ASXL3: variants seen among roughly 807,000 people sequenced by gnomAD.
ASXL3 encodes ASXL transcriptional regulator 3.
Under a neutral mutation model 170.6 loss-of-function variants are expected in ASXL3, and 34 were observed. That is an observed-to-expected ratio of 0.20 (90% CI 0.15 to 0.27). ASXL3 has a LOEUF of 0.27. Among genes scored for constraint, ASXL3 ranks in the 10% least tolerant of loss-of-function variants. The pLI is 1.00. For synonymous variants in ASXL3, 1,002 were observed against 989.1 expected (o/e 1.01, Z -0.24); for missense variants, 2,592 against 2,695.3 (o/e 0.96, Z 0.85).
In ASXL3 at chr18:33,745,809, C is replaced by T; in HGVS notation, c.5961C>T (p.Ala1987=). The T allele has an allele frequency of 6.2e-7, 1 of 1,613,934 alleles. No individual in the cohort carries two copies. Among genetic ancestry groups the T allele is most frequent in the Non-Finnish European group, 8.5e-7 (1 of 1,179,876 alleles). ...LSSAPHQLRL[A]NMLSPNMPMK... ...CAGCACCTCACCAGCTAAGGTTAGC[C>T]AACATGTTATCCCCCAATATGCCCA... Residue 1987 remains alanine (A), a synonymous_variant, in exon 12 of 12, where the codon GCC becomes GCT. Coordinates refer to ENST00000269197, the MANE Select transcript of ASXL3 (RefSeq NM_030632.3).
intron 2 of ASXL3, chr18:33,614,952 CATA>C: frequency 6.6e-6 from 1 of 151,960 alleles, no homozygotes; most frequent in East Asian, 1.9e-4. Context: ...GCAGATGTAA[CATA>C]ATGTTTAAGT....
chr18:33,736,507 C>T (rs1354208709), intron 10 of ASXL3, among the ~76,000 whole-genome samples: 3 of 152,062 alleles, frequency 2.0e-5, no homozygotes, highest in African/African-American at 4.8e-5. Flanking sequence ...ATTCCCCCAC[C>T]ACCAGCCAGT....
intron 8 of ASXL3, among the ~76,000 whole-genome samples, chr18:33,720,418 G>C (rs962350493): frequency 1.3e-5 from 2 of 152,068 alleles, no homozygotes; most frequent in African/African-American, 2.4e-5. Context: ...ACATGAGCTT[G>C]AGTTTCACTA....
intron 2 of ASXL3, among the ~76,000 whole-genome samples, chr18:33,641,576 C>A (rs780945123): frequency 1.3e-5 from 2 of 152,094 alleles, no homozygotes; most frequent in Non-Finnish European, 2.9e-5. Context: ...ATGAAAACAT[C>A]GTAGAAGTAT....
At position 33,739,979 on chromosome 18, in the gene ASXL3, G is replaced by A. The variant is rs1599565845; in HGVS notation, c.2575G>A (p.Glu859Lys). 2 of 1,613,818 alleles carry A rather than the reference G, an allele frequency of 1.2e-6. No individual in the cohort carries two copies. The highest frequency in any genetic ancestry group is 4.5e-5 in the East Asian group (2 of 44,878). ...PASIPELAST[E>K]MIKVKNHSVL... ...TTCAATTCCAGAACTTGCTTCTACT[G>A]AAATGATAAAAGTTAAAAATCATAG... Residue 859 changes from glutamate (E) to lysine (K), a missense_variant, in exon 11 of 12, where the codon GAA (glutamate) becomes AAA (lysine). Around this residue, in one of 4 missense-constraint regions of ASXL3, gnomAD observed 2,246 missense variants for 2,219.6 expected, o/e 1.01. Transcript: ENST00000269197.
At position 33,578,574 on chromosome 18, in the gene ASXL3, C is replaced by A; in HGVS notation, c.-58C>A. On this transcript the variant is annotated 5_prime_UTR_variant, in exon 1 of 12. Coordinates refer to ENST00000269197, the MANE Select transcript of ASXL3 (RefSeq NM_030632.3). ...TGGGTCATTGTCTCCGCGCCCGAACCCCGAGCACCCCGTGGAATCCCCCAC... is the reference window on the plus strand; with the variant it reads ...TGGGTCATTGTCTCCGCGCCCGAACACCGAGCACCCCGTGGAATCCCCCAC... The A allele has an allele frequency of 8.8e-7, 1 of 1,141,228 alleles. No individual in the cohort carries two copies. The highest frequency in any genetic ancestry group is 2.3e-5 in the South Asian group (1 of 42,706). 70.7% of individuals were successfully genotyped at this position (1,141,228 alleles called of 1,614,324 possible).
At chr18:33,606,685 A>G (rs1034003162) in intron 1 of ASXL3, among the ~76,000 whole-genome samples, 1 of 151,996 alleles carries the variant, frequency 6.6e-6, no homozygotes, top group African/African-American at 2.4e-5. Context: ...AAGCTCTTGC[A>G]TAGCATCTTT....
chr18:33,653,500 T>A (rs549780953), intron 4 of ASXL3, among the ~76,000 whole-genome samples: 1 of 152,092 alleles, frequency 6.6e-6, no homozygotes, highest in Non-Finnish European at 1.5e-5. Context: ...TAGTTACACA[T>A]TGAAGAAAAC....
intron 2 of ASXL3, among the ~76,000 whole-genome samples, chr18:33,630,609 T>G (rs76140794): frequency 0.011 from 1,680 of 152,054 alleles, 14 homozygotes; most frequent in Non-Finnish European, 0.016. Context: ...GACATTTCCT[T>G]TATCAAACAT....
rs768844047 is a variant in ASXL3, at chr18:33,745,600, G to A, written c.5752G>A (p.Gly1918Ser). The stretch of plus-strand genomic sequence containing the variant: ...CCTATTTCATGTTGACAAGAATGGC[G>A]GCTTCCACACTGACGCTGGTACCTC... ...QNLFHVDKNGGFHTDAGTSHR... is the reference protein window; with the variant it reads ...QNLFHVDKNGSFHTDAGTSHR... Residue 1918 changes from glycine (G) to serine (S), a missense_variant, in exon 12 of 12, where the codon GGC (glycine) becomes AGC (serine). Gly to Ser is a moderately conservative substitution (Grantham distance 56). This residue lies in a region of ASXL3 where 2,246 missense variants were observed against 2,219.6 expected (regional missense o/e 1.01). Coordinates refer to ENST00000269197, the MANE Select transcript of ASXL3 (RefSeq NM_030632.3). 1.5e-5 allele frequency: 25 copies of A among 1,613,786 alleles called. No individual in the cohort carries two copies. The highest frequency in any genetic ancestry group is 1.1e-4 in the African/African-American group (8 of 74,868).
chr18:33,623,322 C>G (rs1188541607), intron 2 of ASXL3, among the ~76,000 whole-genome samples: 2 of 152,120 alleles, frequency 1.3e-5, no homozygotes, highest in Non-Finnish European at 2.9e-5. Flanking sequence ...TTGATCTTCT[C>G]TTCCCCATGG....
intron 2 of ASXL3, among the ~76,000 whole-genome samples, chr18:33,634,267 A>C (rs530546037): frequency 6.6e-6 from 1 of 152,126 alleles, no homozygotes; most frequent in Admixed American, 6.5e-5. Context: ...AATACAGCAG[A>C]GTACCCACGT....
intron 2 of ASXL3, among the ~76,000 whole-genome samples, chr18:33,632,813 C>A (rs1448885859): frequency 6.6e-6 from 1 of 152,150 alleles, no homozygotes; most frequent in African/African-American, 2.4e-5. Context: ...CAGCTGAAAT[C>A]TATCTTTGTG....
At chr18:33,693,325 A>G (rs1032775722) in intron 8 of ASXL3, among the ~76,000 whole-genome samples, 1 of 152,204 alleles carries the variant, frequency 6.6e-6, no homozygotes, top group African/African-American at 2.4e-5. Context: ...GAAATTTAAG[A>G]TGGAAGAGAG....
At chr18:33,631,297 A>G (rs1253778649) in intron 2 of ASXL3, among the ~76,000 whole-genome samples, 1 of 152,102 alleles carries the variant, frequency 6.6e-6, no homozygotes, top group African/African-American at 2.4e-5. Context: ...ATATGTGGAT[A>G]AGCATTCAGT....
At chr18:33,702,353 ACTC>A (rs766047330) in intron 8 of ASXL3, among the ~76,000 whole-genome samples, 30 of 150,082 alleles carry the variant, frequency 2.0e-4, no homozygotes, top group African/African-American at 7.3e-4. Flanking sequence ...CATATATACT[ACTC>A]CTCTCTTCCT....
chr18:33,704,129 A>G (rs2066921698), intron 8 of ASXL3, among the ~76,000 whole-genome samples: 1 of 152,180 alleles, frequency 6.6e-6, no homozygotes, highest in African/African-American at 2.4e-5. Flanking sequence ...AATATGTGCT[A>G]TAATGTAGTA....
At chr18:33,642,317 A>G (rs560469740) in intron 2 of ASXL3, among the ~76,000 whole-genome samples, 1 of 152,094 alleles carries the variant, frequency 6.6e-6, no homozygotes, top group Non-Finnish European at 1.5e-5. Flanking sequence ...TTTCCTCTGT[A>G]TATTTTACAT....
chr18:33,623,961 CTA>C (rs1483839851), intron 2 of ASXL3, among the ~76,000 whole-genome samples: 1 of 152,020 alleles, frequency 6.6e-6, no homozygotes, highest in East Asian at 1.9e-4. Context: ...GAGTTTAAGA[CTA>C]TTCTTGGAAA....
Sources: gnomAD v4.1 joint callset for allele counts (sites outside exome capture counted in the v4.1 genomes callset) on GRCh38, gnomAD v4.1.1 for gene constraint, gnomAD v4.1.1 regional missense constraint, MANE v1.5 for transcripts, NCBI Gene and HGNC (gene_info 2026-07-23, HGNC 2026-07-21) for gene names.